SLC35F1: variants seen among roughly 807,000 people sequenced by gnomAD.
SLC35F1 encodes the protein chromosome 6 open reading frame 169.
SLC35F1 carries 14 observed loss-of-function variants against 48.7 expected under a neutral mutation model. The ratio of observed to expected loss-of-function variants is 0.29; its 90% CI spans 0.19 to 0.45. SLC35F1 has a LOEUF of 0.45. Ranked by LOEUF, SLC35F1 falls within the 20% of genes least tolerant of loss-of-function variation. The probability of loss-of-function intolerance (pLI) is 1.00; values close to 1 mark genes in which losing one functional copy is unlikely to be tolerated. For missense variants in SLC35F1, 404 were observed against 500.0 expected, an observed-to-expected ratio of 0.81 and a Z score of 1.83; for synonymous variants, 190 against 202.2, an observed-to-expected ratio of 0.94 and a Z score of 0.51.
At chr6:117,944,592 TACAC>T (rs60520269) in intron 1 of SLC35F1, among the ~76,000 whole-genome samples, 32 of 136,008 alleles carry the variant, frequency 2.4e-4, no homozygotes, top group East Asian at 1.0e-3. Context: ...CACATACACA[TACAC>T]ACACACACAC....
At chr6:117,958,163 A>T (rs1213841840) in intron 1 of SLC35F1, among the ~76,000 whole-genome samples, 1 of 152,206 alleles carries the variant, frequency 6.6e-6, no homozygotes, top group Non-Finnish European at 1.5e-5. Flanking sequence ...AAAAATAAAA[A>T]ATTTTAAAAA....
chr6:118,164,519 C>T (rs982087359), intron 2 of SLC35F1, among the ~76,000 whole-genome samples: 2 of 152,106 alleles, frequency 1.3e-5, no homozygotes, highest in African/African-American at 4.8e-5. Context: ...TTTGTCTGTG[C>T]TGTATTTCAT....
chr6:118,172,827 CATTT>C (rs1238501686), intron 2 of SLC35F1, among the ~76,000 whole-genome samples: 5 of 152,072 alleles, frequency 3.3e-5, no homozygotes, highest in Non-Finnish European at 1.5e-5. Context: ...GCTGGCTATT[CATTT>C]ATTTAAGCCA....
At chr6:118,039,820 T>TTTTTTTTTTCTG (rs1562271594) in intron 1 of SLC35F1, among the ~76,000 whole-genome samples, 1 of 147,926 alleles carries the variant, frequency 6.8e-6, no homozygotes, top group Non-Finnish European at 1.5e-5. Flanking sequence ...TTTTTTTTTT[T>TTTTTTTTTTCTG]GCTTCAGACT....
intron 1 of SLC35F1, among the ~76,000 whole-genome samples, chr6:118,150,094 C>T (rs993681988): frequency 2.0e-5 from 3 of 152,172 alleles, no homozygotes; most frequent in African/African-American, 7.2e-5. Flanking sequence ...CCTTGGGCTG[C>T]TTGCGTAACT....
chr6:117,909,488 G>A (rs1352841602), intron 1 of SLC35F1, among the ~76,000 whole-genome samples: 1 of 152,082 alleles, frequency 6.6e-6, no homozygotes, highest in Non-Finnish European at 1.5e-5. Flanking sequence ...ATAGAGCCCA[G>A]AAAAACAAGA....
intron 1 of SLC35F1, among the ~76,000 whole-genome samples, chr6:118,120,659 A>T (rs1055943274): frequency 6.6e-6 from 1 of 152,174 alleles, no homozygotes; most frequent in Non-Finnish European, 1.5e-5. Flanking sequence ...CAAACCACAA[A>T]TTCATTATAC....
chr6:118,036,525 G>T (rs1772133968), intron 1 of SLC35F1, among the ~76,000 whole-genome samples: 1 of 152,104 alleles, frequency 6.6e-6, no homozygotes, highest in South Asian at 2.1e-4. Flanking sequence ...AGATCAAGTT[G>T]GTTGATAGTG....
chr6:118,047,927 G>C (rs1360480121), intron 1 of SLC35F1, among the ~76,000 whole-genome samples: 1 of 152,130 alleles, frequency 6.6e-6, no homozygotes, highest in Admixed American at 6.6e-5. Flanking sequence ...TGTTGAATAG[G>C]AGTGGTGAGA....
At chr6:118,073,748 A>G (rs1462146240) in intron 1 of SLC35F1, among the ~76,000 whole-genome samples, 1 of 152,216 alleles carries the variant, frequency 6.6e-6, no homozygotes, top group Non-Finnish European at 1.5e-5. Context: ...TTAAATAATG[A>G]GTAATACATA....
At chr6:118,206,917 A>G (rs937916743) in intron 2 of SLC35F1, among the ~76,000 whole-genome samples, 4 of 152,190 alleles carry the variant, frequency 2.6e-5, no homozygotes, top group African/African-American at 9.7e-5. Context: ...AGAAGCTAAT[A>G]CTCTGAACAA....
intron 1 of SLC35F1, among the ~76,000 whole-genome samples, chr6:118,034,152 G>C (rs939782775): frequency 6.6e-6 from 1 of 152,142 alleles, no homozygotes; most frequent in Non-Finnish European, 1.5e-5. Context: ...TAAAGACAGA[G>C]TGTAAATATT....
intron 1 of SLC35F1, among the ~76,000 whole-genome samples, chr6:118,025,435 C>G (rs1026130401): frequency 6.6e-6 from 1 of 152,142 alleles, no homozygotes; most frequent in Non-Finnish European, 1.5e-5. Context: ...CCTTGATCAC[C>G]TGGCTGAGAT....
intron 1 of SLC35F1, among the ~76,000 whole-genome samples, chr6:117,959,071 C>T (rs1369823551): frequency 6.6e-6 from 1 of 152,114 alleles, no homozygotes; most frequent in African/African-American, 2.4e-5. Context: ...TTGCAGGATC[C>T]TGGGTGAATC....
At chr6:118,160,804 G>A (rs1057053081) in intron 2 of SLC35F1, among the ~76,000 whole-genome samples, 1 of 151,726 alleles carries the variant, frequency 6.6e-6, no homozygotes, top group African/African-American at 2.4e-5. Context: ...GCATACAGCT[G>A]GACGCAAATC....
At chr6:118,307,813 GTTACAGGCCACAGC>G (rs1280612228) in intron 7 of SLC35F1, among the ~76,000 whole-genome samples, 1 of 152,106 alleles carries the variant, frequency 6.6e-6, no homozygotes, top group Non-Finnish European at 1.5e-5. Context: ...GGGTCTTACC[GTTACAGGCCACAGC>G]TTACAGCACG....
intron 1 of SLC35F1, among the ~76,000 whole-genome samples, chr6:118,015,967 A>G (rs1562264923): frequency 1.3e-5 from 2 of 152,216 alleles, no homozygotes; most frequent in South Asian, 2.1e-4. Context: ...ATAAATTGGT[A>G]TGTATCCTCT....
Position 118,314,289 on chromosome 6 carries a change from G to A in SLC35F1, c.*37G>A. Reference sequence around the variant, plus strand: ...CCCTGCCAACTGAGGCCAACTCATTGGCCATGTTTTTGCCCATCATCTCTG... The same window carrying A: ...CCCTGCCAACTGAGGCCAACTCATTAGCCATGTTTTTGCCCATCATCTCTG... On this transcript the variant is annotated 3_prime_UTR_variant, in exon 8 of 8. Coordinates refer to ENST00000360388, the MANE Select transcript of SLC35F1 (RefSeq NM_001029858.4). 1 of 1,592,534 alleles carries A rather than the reference G, an allele frequency of 6.3e-7. No individual in the cohort carries two copies. The highest frequency in any genetic ancestry group is 8.6e-7 in the Non-Finnish European group (1 of 1,161,178).
At chr6:117,966,425 C>T (rs1776572019) in intron 1 of SLC35F1, among the ~76,000 whole-genome samples, 1 of 151,854 alleles carries the variant, frequency 6.6e-6, no homozygotes, top group South Asian at 2.1e-4. Flanking sequence ...TGAAGACCAC[C>T]AACCCACCAG....
Sources: allele counts gnomAD v4.1 joint callset (sites outside exome capture counted in the v4.1 genomes callset), GRCh38; gene constraint gnomAD v4.1.1; transcripts MANE v1.5; gene names NCBI Gene and HGNC (gene_info 2026-07-23, HGNC 2026-07-21).